The following ROBO2 variants were observed in gnomAD, a reference collection of about 807,000 sequenced individuals.
ROBO2 encodes the protein roundabout guidance receptor 2.
Under a neutral mutation model 160.8 loss-of-function variants are expected in ROBO2, and 53 were observed. That is an observed-to-expected ratio of 0.33 (90% CI 0.26 to 0.41). The LOEUF (loss-of-function observed/expected upper bound fraction) is 0.41. ROBO2 is among the 10% of genes least tolerant of loss of function. ROBO2 has a pLI of 1.00. For synonymous variants in ROBO2, 664 were observed against 611.7 expected (o/e 1.09, Z -1.26); for missense variants, 1,577 against 1,722.4 (o/e 0.92, Z 1.49).
intron 2 of ROBO2, among the ~76,000 whole-genome samples, chr3:76,492,901 A>C (rs2079912175): frequency 1.3e-5 from 2 of 152,188 alleles, no homozygotes; most frequent in Non-Finnish European, 2.9e-5. Flanking sequence ...AATTGGATAT[A>C]ATCATGTAAT....
At chr3:76,126,580 G>T (rs1349394731) in intron 2 of ROBO2, among the ~76,000 whole-genome samples, 1 of 152,018 alleles carries the variant, frequency 6.6e-6, no homozygotes, top group Non-Finnish European at 1.5e-5. Context: ...AGCAAGAAAA[G>T]ATTTAAAATT....
At chr3:76,254,081 T>C (rs1170020716) in intron 2 of ROBO2, among the ~76,000 whole-genome samples, 2 of 152,096 alleles carry the variant, frequency 1.3e-5, no homozygotes, top group Non-Finnish European at 2.9e-5. Context: ...ATTCAAGAGA[T>C]TCATCTTTAG....
chr3:76,899,577 A>C (rs574439925), intron 2 of ROBO2, among the ~76,000 whole-genome samples: 3 of 152,186 alleles, frequency 2.0e-5, no homozygotes, highest in Non-Finnish European at 4.4e-5. Flanking sequence ...ATAATGCTTT[A>C]ATTTATAAAG....
chr3:76,704,501 C>A (rs1471279160), intron 2 of ROBO2, among the ~76,000 whole-genome samples: 1 of 152,050 alleles, frequency 6.6e-6, no homozygotes, highest in Non-Finnish European at 1.5e-5. Flanking sequence ...TGTACAGTAA[C>A]CAATCACAGA....
intron 2 of ROBO2, among the ~76,000 whole-genome samples, chr3:76,802,235 T>TA (rs1382706946): frequency 2.0e-5 from 3 of 152,144 alleles, no homozygotes; most frequent in East Asian, 1.9e-4. Context: ...CTTCAGTTTA[T>TA]AAAAAAAGTG....
chr3:75,935,383 G>A (rs1181322046), intron 1 of ROBO2, among the ~76,000 whole-genome samples: 8 of 152,048 alleles, frequency 5.3e-5, no homozygotes, highest in Admixed American at 2.0e-4. Context: ...ATGGTGGTGC[G>A]TGCCTGTAGC....
intron 2 of ROBO2, among the ~76,000 whole-genome samples, chr3:76,168,251 T>C (rs1398010854): frequency 6.6e-6 from 1 of 152,224 alleles, no homozygotes; most frequent in Non-Finnish European, 1.5e-5. Flanking sequence ...ATGATACCTC[T>C]ACCCTTATTT....
At chr3:76,798,201 GAAAGAGAAAGAGA>G (rs1173224064) in intron 2 of ROBO2, among the ~76,000 whole-genome samples, 2 of 115,470 alleles carry the variant, frequency 1.7e-5, no homozygotes, top group Non-Finnish European at 3.8e-5. Context: ...AAAGAAGAAA[GAAAGAGAAAGAGA>G]AAAAGAAAGA....
chr3:76,565,848 G>A (rs2084484647), intron 2 of ROBO2, among the ~76,000 whole-genome samples: 10 of 152,164 alleles, frequency 6.6e-5, no homozygotes, highest in Admixed American at 6.5e-4. Context: ...ACAGTCTCCA[G>A]GAGTTGTTAG....
chr3:76,326,998 C>T (rs1201257349), intron 2 of ROBO2, among the ~76,000 whole-genome samples: 4 of 152,014 alleles, frequency 2.6e-5, no homozygotes, highest in African/African-American at 9.7e-5. Flanking sequence ...TTCTTTTACT[C>T]ACCTTTAGAT....
chr3:77,220,717 G>A (rs1055368951), intron 2 of ROBO2, among the ~76,000 whole-genome samples: 1 of 151,970 alleles, frequency 6.6e-6, no homozygotes, highest in Non-Finnish European at 1.5e-5. Flanking sequence ...TTCATGGTAG[G>A]TGTAACTAAC....
Position 76,452,443 on chromosome 3 carries a change from C to T in ROBO2, c.109+514841C>T, listed in dbSNP as rs923756660. ...TGCGGTGTTTGTTTTTTTGTCCTTGCAATAGTTTACTGAGAATGATGATTT... is the reference window on the plus strand; with the variant it reads ...TGCGGTGTTTGTTTTTTTGTCCTTGTAATAGTTTACTGAGAATGATGATTT... On this transcript the variant is annotated intron_variant, in intron 2 of 26. Coordinates refer to the ROBO2 transcript ENST00000487694. Among the ~76,000 whole-genome samples the T allele has an allele frequency of 3.9e-4, 60 of 152,054 alleles. 1 individual carries two copies. The highest frequency in any genetic ancestry group is 3.3e-4 in the Admixed American group (5 of 15,270).
chr3:76,810,929 G>T, intron 2 of ROBO2, among the ~76,000 whole-genome samples: 1 of 152,040 alleles, frequency 6.6e-6, no homozygotes, highest in Non-Finnish European at 1.5e-5. Flanking sequence ...AGATAATTTG[G>T]TTGTTTATTA....
At chr3:77,187,088 T>A (rs2150906723) in intron 2 of ROBO2, among the ~76,000 whole-genome samples, 1 of 152,078 alleles carries the variant, frequency 6.6e-6, no homozygotes, top group Middle Eastern at 3.4e-3. Flanking sequence ...AACGAAGACA[T>A]CAATAAGACT....
At chr3:76,924,606 G>A (rs1229810473) in intron 2 of ROBO2, among the ~76,000 whole-genome samples, 1 of 152,136 alleles carries the variant, frequency 6.6e-6, no homozygotes, top group African/African-American at 2.4e-5. Flanking sequence ...CAAGCTAAAG[G>A]TTACCTAAGC....
chr3:76,630,928 A>G (rs1269292525), intron 2 of ROBO2, among the ~76,000 whole-genome samples: 1 of 152,180 alleles, frequency 6.6e-6, no homozygotes, highest in Non-Finnish European at 1.5e-5. Flanking sequence ...CAAATCTGGA[A>G]CACATTTCTC....
intron 2 of ROBO2, among the ~76,000 whole-genome samples, chr3:76,941,511 C>T (rs746145508): frequency 6.6e-6 from 1 of 152,158 alleles, no homozygotes; most frequent in Non-Finnish European, 1.5e-5. Flanking sequence ...AAGGCTTCAG[C>T]TACACTAGTC....
intron 2 of ROBO2, among the ~76,000 whole-genome samples, chr3:77,445,389 G>C (rs1268856311): frequency 2.6e-5 from 4 of 151,976 alleles, no homozygotes; most frequent in Non-Finnish European, 5.9e-5. Context: ...AGCTTATTTG[G>C]TGTAATATGG....
chr3:76,127,276 T>A (rs371686670), intron 2 of ROBO2, among the ~76,000 whole-genome samples: 31 of 152,268 alleles, frequency 2.0e-4, no homozygotes, highest in East Asian at 1.2e-3. Context: ...ATTTGCACTC[T>A]AACTTTTCAC....
Sources: allele counts gnomAD v4.1 joint callset (sites outside exome capture counted in the v4.1 genomes callset), GRCh38; gene constraint gnomAD v4.1.1; transcripts MANE v1.5; gene names NCBI Gene and HGNC (gene_info 2026-07-23, HGNC 2026-07-21).